STK40: variants seen among roughly 807,000 people sequenced by gnomAD.
STK40 encodes serine/threonine kinase 40.
Under a neutral mutation model 47.9 loss-of-function variants are expected in STK40, and 13 were observed. The ratio of observed to expected loss-of-function variants is 0.27; its 90% confidence interval spans 0.18 to 0.43. STK40 has a LOEUF of 0.43. Among genes scored for constraint, STK40 ranks in the 20% least tolerant of loss-of-function variants. The pLI, the probability that STK40 is intolerant of heterozygous loss-of-function variation, is 1.00. For synonymous variants in STK40, 225 were observed against 243.2 expected (o/e 0.93, Z 0.69); for missense variants, 460 against 595.1 (o/e 0.77, Z 2.36).
At position 36,342,197 on chromosome 1, in the gene STK40, G is replaced by C. The variant is rs138431120; in HGVS notation, c.1090-224C>G. Reference sequence around the variant, plus strand: ...CCCTTGCAGGCCGCCCTGCGGACCCGGGACTGACGCAGACTCATGCTTCCT... The same window carrying C: ...CCCTTGCAGGCCGCCCTGCGGACCCCGGACTGACGCAGACTCATGCTTCCT... On this transcript the variant is annotated intron_variant, in intron 10 of 10. Transcript: ENST00000373132. 6 of 571,854 alleles carry C rather than the reference G, an allele frequency of 1.0e-5. No homozygotes were observed. The Middle Eastern group carries it at 1.4e-3, about 135-fold the overall frequency. The allele number at this position is 571,854 out of a possible 1,614,324, so 35.4% of individuals were successfully genotyped here. A position where few individuals can be genotyped will look rare whatever the true frequency, so the allele number is the denominator to read the frequency against.
At chr1:36,353,476 C>T (rs1027424726) in intron 6 of STK40, among the ~76,000 whole-genome samples, 6 of 152,196 alleles carry the variant, frequency 3.9e-5, no homozygotes, top group Non-Finnish European at 7.3e-5. Context: ...TGTCCCTCTG[C>T]TGCTGGTTCA....
At chr1:36,351,085 G>A (rs1458185658) in intron 6 of STK40, among the ~76,000 whole-genome samples, 10 of 152,184 alleles carry the variant, frequency 6.6e-5, no homozygotes, top group Non-Finnish European at 1.0e-4. Context: ...AGTGAGTCAC[G>A]CTTTAGCTAT....
In STK40 at chr1:36,354,423, A is replaced by G. The variant is rs1279467358; in HGVS notation, c.571-7T>C. On this transcript the variant is annotated splice_region_variant and splice_polypyrimidine_tract_variant and intron_variant, in intron 5 of 10. Coordinates refer to ENST00000373132, the MANE Select transcript of STK40 (RefSeq NM_001282547.2). ...CTCTGTGCACGATATTTTTCTGTAA[A>G]ACAACAGGCGTATGGTTTACATTGT... 6.2e-7 allele frequency: 1 copy of G among 1,613,882 alleles called. No individual in the cohort carries two copies. Among genetic ancestry groups the G allele is most frequent in the Admixed American group, 1.7e-5 (1 of 60,004 alleles).
chr1:36,370,879 A>G (rs1264069159), intron 1 of STK40, among the ~76,000 whole-genome samples: 3 of 146,560 alleles, frequency 2.0e-5, no homozygotes, highest in Non-Finnish European at 4.5e-5. Flanking sequence ...CCCGTACTAC[A>G]CTTTTTTTTT....
chr1:36,361,163 A>C, intron 2 of STK40, 58 bp downstream of exon 2: 2 of 1,599,550 alleles, frequency 1.3e-6, no homozygotes, highest in South Asian at 2.2e-5. Flanking sequence ...CATGCGAGCC[A>C]ATGTGCCCTG....
At chr1:36,361,400 C>A in intron 1 of STK40, 60 bp from the exon 2 acceptor site, 1 of 1,605,194 alleles carries the variant, frequency 6.2e-7, no homozygotes, top group Non-Finnish European at 8.5e-7. Context: ...CTTATGCTAA[C>A]CCAGCCTGCA....
intron 10 of STK40, chr1:36,343,006 C>A: frequency 1.7e-6 from 1 of 596,444 alleles, no homozygotes; most frequent in South Asian, 2.0e-5. Flanking sequence ...AATGAATCAT[C>A]TGAAAAATGA....
intron 1 of STK40, among the ~76,000 whole-genome samples, chr1:36,378,716 C>T (rs887340247): frequency 3.3e-5 from 5 of 152,256 alleles, no homozygotes; most frequent in East Asian, 1.9e-4. Context: ...CTCGGCCTCC[C>T]GAAGTGTTGA....
Position 36,341,943 on chromosome 1 carries a change from C to T in STK40, c.1120G>A (p.Glu374Lys), listed in dbSNP as rs775585540. The T allele has an allele frequency of 3.1e-6, 5 of 1,613,822 alleles. No homozygotes were observed. Among genetic ancestry groups the T allele is most frequent in the African/African-American group, 2.7e-5 (2 of 74,950 alleles). The change falls in exon 11 of 11, where the codon GAG becomes AAG. Residue 374 changes from glutamate (E) to lysine (K), a missense_variant. Transcript: ENST00000373132. Reference sequence around the variant, plus strand: ...TGCTGACGCATGTAGTTCTCAAACTCGTACTGGGAGCACTCCTCCGTCACC... The same window carrying T: ...TGCTGACGCATGTAGTTCTCAAACTTGTACTGGGAGCACTCCTCCGTCACC... ...AKVTEECSQY[E>K]FENYMRQQLL...
rs532657916 is a variant in STK40 at position 36,341,471 on chromosome 1, C to A, written c.*284G>T. On this transcript the variant is annotated 3_prime_UTR_variant, in exon 11 of 11. Transcript: ENST00000373132. Reference sequence around the variant, plus strand: ...TCCTCCCTCTTGCTCAGTCCAGAGACAGCATGGTTAAAGAGACAGAGGTAG... The same window carrying A: ...TCCTCCCTCTTGCTCAGTCCAGAGAAAGCATGGTTAAAGAGACAGAGGTAG... 4.7e-6 allele frequency: 2 copies of A among 427,798 alleles called. No individual in the cohort carries two copies. The highest frequency in any genetic ancestry group is 9.9e-5 in the East Asian group (2 of 20,268). The allele number at this position is 427,798 out of a possible 1,614,324, so 26.5% of individuals were successfully genotyped here.
chr1:36,381,932 G>C (rs1232589103), intron 1 of STK40, among the ~76,000 whole-genome samples: 1 of 152,106 alleles, frequency 6.6e-6, no homozygotes, highest in Non-Finnish European at 1.5e-5. Flanking sequence ...TAACTGGTTA[G>C]GAGCCTGCCC....
chr1:36,355,227 G>A lies in STK40; in HGVS notation c.549C>T (p.Arg183=), dbSNP rs201238352. The change falls in exon 5 of 11, where the codon CGC becomes CGT. Residue 183 remains arginine, a synonymous_variant. Coordinates refer to ENST00000373132, the MANE Select transcript of STK40 (RefSeq NM_001282547.2). ...TCACCTGGTGCAGGGCCTCCACCAC[G>A]CGGACCACGTCGTAGAAGATTACCA... ...ETVVIFYDVV[R]VVEALHQKNI... is the part of the protein sequence containing the mutation. 18 of 1,613,954 alleles carry A rather than the reference G, an allele frequency of 1.1e-5. No homozygotes were observed. The South Asian group carries it at 1.4e-4, about 13-fold the overall frequency.
intron 1 of STK40, among the ~76,000 whole-genome samples, chr1:36,365,020 T>C (rs1359801211): frequency 6.8e-6 from 1 of 146,254 alleles, no homozygotes; most frequent in Admixed American, 6.9e-5. Context: ...AGACGGAGTC[T>C]CGCTCTTGTT....
chr1:36,372,508 G>C (rs1044500457), intron 1 of STK40: 1 of 151,242 alleles, frequency 6.6e-6, no homozygotes, highest in African/African-American at 2.4e-5. Context: ...CACCTGGCTA[G>C]CTGTTGGAAG....
chr1:36,345,987 A>ATTTTTTTTTTTTTTTT (rs1397972473), intron 7 of STK40, among the ~76,000 whole-genome samples: 1 of 17,268 alleles, frequency 5.8e-5, no homozygotes, highest in Non-Finnish European at 1.1e-4. Context: ...ATATATATAT[A>ATTTTTTTTTTTTTTTT]TATATTTTTT....
intron 1 of STK40, among the ~76,000 whole-genome samples, chr1:36,368,479 T>C (rs4652909): frequency 0.052 from 7,961 of 152,266 alleles, 266 homozygotes; most frequent in Non-Finnish European, 0.076. Context: ...CTCGAACTCC[T>C]GGGCTAAAGT....
intron 1 of STK40, among the ~76,000 whole-genome samples, chr1:36,369,671 C>T (rs935953316): frequency 2.6e-5 from 4 of 152,222 alleles, no homozygotes; most frequent in Non-Finnish European, 4.4e-5. Flanking sequence ...CTCCAACCCC[C>T]AGAGCACCTG....
intron 1 of STK40, among the ~76,000 whole-genome samples, chr1:36,371,685 CAAAAAAAAAAAAAA>C (rs57138983): frequency 2.9e-4 from 8 of 28,022 alleles, no homozygotes; most frequent in South Asian, 2.8e-3. Context: ...ACCCTGTCTC[CAAAAAAAAAAAAAA>C]AAAAAAAAAA....
chr1:36,359,129 G>T (rs1353698535), intron 2 of STK40, among the ~76,000 whole-genome samples: 3 of 152,202 alleles, frequency 2.0e-5, no homozygotes, highest in African/African-American at 4.8e-5. Context: ...GATCCAGGCT[G>T]GGTGTGGTGG....
Sources: allele counts gnomAD v4.1 joint callset (sites outside exome capture counted in the v4.1 genomes callset), GRCh38; gene constraint gnomAD v4.1.1; transcripts MANE v1.5; gene names NCBI Gene and HGNC (gene_info 2026-07-23, HGNC 2026-07-21).